Variants in SLC28A1 observed in about 807,000 individuals in gnomAD.
The protein encoded by SLC28A1 is solute carrier family 28 member 1.
In SLC28A1, 64 loss-of-function variants were observed where a neutral mutation model predicts 74.8. The ratio of observed to expected loss-of-function variants is 0.86; its 90% confidence interval spans 0.70 to 1.05. The LOEUF is 1.05. Among genes scored for constraint, SLC28A1 ranks in the 50% least tolerant of loss-of-function variants. SLC28A1 has a pLI of 0.00. For synonymous variants in SLC28A1, 359 were observed against 335.0 expected (o/e 1.07, Z -0.78); for missense variants, 828 against 822.8 (o/e 1.01, Z -0.08).
chr15:84,928,867 C>T (rs1277859709), intron 12 of SLC28A1, among the ~76,000 whole-genome samples: 1 of 151,846 alleles, frequency 6.6e-6, no homozygotes, highest in Non-Finnish European at 1.5e-5. Context: ...AGGTGATCCA[C>T]CCGCCTCGGC....
In SLC28A1 at chr15:84,904,083, T is replaced by C. The variant is rs2141768987; in HGVS notation, c.462-14T>C. ...CAATGCTGAGGGTAATGGCTTTCTG[T>C]CTCTTGCCTGCAGGGGTCTAGCTCT... is the stretch of plus-strand genomic sequence containing the variant. On this transcript the variant is annotated splice_polypyrimidine_tract_variant and intron_variant, in intron 6 of 18. Coordinates refer to ENST00000394573, the MANE Select transcript of SLC28A1 (RefSeq NM_004213.5). 6.2e-7 allele frequency: 1 copy of C among 1,614,110 alleles called. No homozygotes were observed. The highest frequency in any genetic ancestry group is 1.3e-5 in the African/African-American group (1 of 75,010).
intron 12 of SLC28A1, among the ~76,000 whole-genome samples, chr15:84,927,823 T>C (rs114615122): frequency 1.7e-4 from 26 of 152,302 alleles, no homozygotes; most frequent in African/African-American, 6.3e-4. Context: ...GGTTTTGTTT[T>C]AAGAGTCCCA....
At chr15:84,943,182 G>A (rs4843011) in intron 15 of SLC28A1, among the ~76,000 whole-genome samples, 137,100 of 152,216 alleles carry the variant, frequency 0.9, 61,951 homozygotes, top group African/African-American at 0.97. Flanking sequence ...GTAAAACTCC[G>A]TCTCAAACAA....
intron 16 of SLC28A1, 57 bp downstream of exon 16, chr15:84,943,583 C>T (rs749215605): frequency 1.4e-5 from 19 of 1,347,690 alleles, no homozygotes; most frequent in African/African-American, 4.3e-5. Flanking sequence ...TGAACTTGCT[C>T]GGGACATGTA....
At chr15:84,910,122 A>G (rs945405541) in intron 9 of SLC28A1, among the ~76,000 whole-genome samples, 1 of 152,200 alleles carries the variant, frequency 6.6e-6, no homozygotes, top group Non-Finnish European at 1.5e-5. Flanking sequence ...TAACATCGTC[A>G]GCCCTAGGAG....
chr15:84,939,089 G>A (rs2142033523), intron 15 of SLC28A1, among the ~76,000 whole-genome samples: 1 of 152,316 alleles, frequency 6.6e-6, no homozygotes, highest in South Asian at 2.1e-4. Flanking sequence ...GGAGGCTAAG[G>A]CAGGAGGCTC....
chr15:84,966,862 C>A, the SLC28A1 span, among the ~76,000 whole-genome samples: 2 of 152,204 alleles, frequency 1.3e-5, no homozygotes, highest in African/African-American at 4.8e-5. Flanking sequence ...GGTGGGGACA[C>A]AACCAAACCA....
At chr15:84,960,216 T>G in the SLC28A1 span, among the ~76,000 whole-genome samples, 1 of 140,100 alleles carries the variant, frequency 7.1e-6, no homozygotes, top group Non-Finnish European at 1.5e-5. Context: ...TCCACTCCCC[T>G]GTGCCTGCCT....
In SLC28A1 at chr15:84,935,447, CT is replaced by C; in HGVS notation, c.1511del (p.Leu504ProfsTer51). ...GAACGAGTTTGTGGCCTATCAAGAC[CT>C]CTCCAAGTACAAGCAACGCCGCCTG... ...FLNEFVAYQD[L>X]SKYKQRRLAG... On this transcript the variant is annotated frameshift_variant, in exon 15 of 19. Transcript: ENST00000394573. LOFTEE classifies it high-confidence loss of function. 6.2e-7 allele frequency: 1 copy of C among 1,614,226 alleles called. No individual in the cohort carries two copies. The highest frequency in any genetic ancestry group is 8.5e-7 in the Non-Finnish European group (1 of 1,180,034).
At chr15:84,943,608 C>T (rs1972968206) in intron 16 of SLC28A1, 82 bp downstream of exon 16, 1 of 1,103,592 alleles carries the variant, frequency 9.1e-7, no homozygotes, top group Non-Finnish European at 1.4e-6. Context: ...TCAGTTGTCT[C>T]ATTTGTCTAA....
intron 5 of SLC28A1, among the ~76,000 whole-genome samples, chr15:84,893,268 C>T (rs1325155721): frequency 6.6e-6 from 1 of 151,970 alleles, no homozygotes; most frequent in Non-Finnish European, 1.5e-5. Flanking sequence ...GAAAATGCAT[C>T]TGAAGTGCCA....
At chr15:84,888,081 T>C (rs1452868862) in intron 3 of SLC28A1, among the ~76,000 whole-genome samples, 4 of 152,280 alleles carry the variant, frequency 2.6e-5, no homozygotes, top group East Asian at 3.9e-4. Flanking sequence ...GAGCACGTAC[T>C]GTGTGCACTA....
At chr15:84,890,671 T>C in intron 5 of SLC28A1, 137 bp downstream of exon 5, 1 of 750,222 alleles carries the variant, frequency 1.3e-6, no homozygotes, top group Non-Finnish European at 2.3e-6. Flanking sequence ...GCTCCCTTGC[T>C]GGGTACTGAG....
the SLC28A1 span, among the ~76,000 whole-genome samples, chr15:84,956,913 C>T: frequency 4.1e-4 from 62 of 152,210 alleles, no homozygotes; most frequent in African/African-American, 1.5e-3. Flanking sequence ...CCCAACTAAA[C>T]TGTGACACTC....
Position 84,904,200 on chromosome 15 carries a change from G to T in SLC28A1, c.565G>T (p.Val189Phe). ...LVSFAGICVFVALLFACSKHH... is the reference protein window; with the variant it reads ...LVSFAGICVFFALLFACSKHH... Reference sequence around the variant, plus strand: ...GTCCTTCGCAGGAATCTGCGTGTTCGTCGCTCTCCTCTTTGCCTGCTCAAA... The same window carrying T: ...GTCCTTCGCAGGAATCTGCGTGTTCTTCGCTCTCCTCTTTGCCTGCTCAAA... Residue 189 changes from valine to phenylalanine, a missense_variant, in exon 7 of 19, where the codon GTC becomes TTC. Physicochemically the swap from Val to Phe is conservative, Grantham distance 50. Transcript: ENST00000394573. 6.2e-7 allele frequency: 1 copy of T among 1,613,920 alleles called. No homozygotes were observed. Among genetic ancestry groups the T allele is most frequent in the Non-Finnish European group, 8.5e-7 (1 of 1,179,964 alleles).
chr15:84,973,967 C>T, the SLC28A1 span, among the ~76,000 whole-genome samples: 3 of 152,194 alleles, frequency 2.0e-5, no homozygotes. Context: ...ACACAGGACA[C>T]ATCTCCCCTG....
chr15:84,957,348 C>A, the SLC28A1 span, among the ~76,000 whole-genome samples: 547 of 152,338 alleles, frequency 3.6e-3, 5 homozygotes, highest in Middle Eastern at 0.02. Flanking sequence ...CTCACTGCAA[C>A]CTCTGCCTCC....
At chr15:84,966,341 A>C in the SLC28A1 span, among the ~76,000 whole-genome samples, 1 of 152,126 alleles carries the variant, frequency 6.6e-6, no homozygotes, top group Non-Finnish European at 1.5e-5. Context: ...TGCTGGGATT[A>C]CAGGTGTGAG....
At chr15:84,913,772 C>A (rs1968690088) in intron 9 of SLC28A1, among the ~76,000 whole-genome samples, 2 of 152,132 alleles carry the variant, frequency 1.3e-5, no homozygotes, top group African/African-American at 4.8e-5. Flanking sequence ...AGGCCATAAA[C>A]TGGGTGGTTA....
Sources: gnomAD v4.1 joint callset for allele counts (sites outside exome capture counted in the v4.1 genomes callset) on GRCh38, gnomAD v4.1.1 for gene constraint, MANE v1.5 for transcripts, NCBI Gene and HGNC (gene_info 2026-07-23, HGNC 2026-07-21) for gene names.